The following ZNF268 variants were observed in gnomAD, a reference collection of about 807,000 sequenced individuals.
ZNF268 encodes zinc finger protein 268.
In ZNF268, 20 loss-of-function variants were observed where a neutral mutation model predicts 29.3. The ratio of observed to expected loss-of-function variants is 0.68; its 90% CI spans 0.48 to 0.99. The LOEUF is 0.99. Ranked by LOEUF, ZNF268 falls within the 50% of genes least tolerant of loss-of-function variation. The pLI, the probability that ZNF268 is intolerant of heterozygous loss-of-function variation, is 0.00. For synonymous variants in ZNF268, 429 were observed against 376.9 expected (o/e 1.14, Z -1.60); for missense variants, 1,240 against 1,121.6 (o/e 1.11, Z -1.51).
In ZNF268 at chr12:133,182,035, GT is replaced by G; in HGVS notation, c.33+6del. 6.4e-7 allele frequency: 1 copy of G among 1,560,052 alleles called. No homozygotes were observed. The highest frequency in any genetic ancestry group is 8.7e-7 in the Non-Finnish European group (1 of 1,151,668). On this transcript the variant is annotated splice_donor_region_variant and intron_variant, in intron 2 of 5. Coordinates refer to ENST00000536435, the MANE Select transcript of ZNF268 (RefSeq NM_003415.3). ...GTCCGGACAGCTTCTATTTGGGTGAGTAGGGGTTTTCTTTCATTCTTGAAAA... is the reference window on the plus strand; with the variant it reads ...GTCCGGACAGCTTCTATTTGGGTGAGAGGGGTTTTCTTTCATTCTTGAAAA...
chr12:133,203,177 G>T lies in ZNF268; in HGVS notation c.1491G>T (p.Met497Ile), dbSNP rs536753332. Reference sequence around the variant, plus strand: ...TACATCAGAGAAGTCACACAGGAATGAAACCTTATGTATGCAATGAATGTG... The same window carrying T: ...TACATCAGAGAAGTCACACAGGAATTAAACCTTATGTATGCAATGAATGTG... ...LIVHQRSHTG[M>I]KPYVCNECGK... Residue 497 changes from methionine (M) to isoleucine (I), a missense_variant, in exon 6 of 6, where the codon ATG becomes ATT. Met to Ile is a conservative substitution (Grantham distance 10). Around this residue, in one of 3 missense-constraint regions of ZNF268, gnomAD observed 1,177 missense variants for 1,039.6 expected, o/e 1.13. Coordinates refer to ENST00000536435, the MANE Select transcript of ZNF268 (RefSeq NM_003415.3). 40 of 1,537,574 alleles carry T rather than the reference G, an allele frequency of 2.6e-5. 2 individuals are homozygous for T. The South Asian group carries it at 4.5e-4, about 17-fold the overall frequency.
At chr12:133,181,863 G>T in intron 1 of ZNF268, 83 bp from the exon 2 acceptor site, 1 of 854,088 alleles carries the variant, frequency 1.2e-6, no homozygotes. Context: ...AGAATGGCAG[G>T]CAGCCCTGGT....
rs762568732 is a variant in ZNF268, at chr12:133,204,224, T to C, written c.2538T>C (p.Ser846=). The change falls in exon 6 of 6, where the codon AGT becomes AGC. Residue 846 remains serine, a synonymous_variant. Transcript: ENST00000536435. ...GCAGTCAATGTGAGAAATCCTTCAG[T>C]GGGAAATTACGCCTTCTTGTACACC... The part of the protein sequence containing the change: ...YKCSQCEKSF[S]GKLRLLVHQR... 2.6e-6 allele frequency: 4 copies of C among 1,541,552 alleles called. No homozygotes were observed. In the Admixed American group the frequency reaches 5.9e-5, roughly 23 times the overall value.
At chr12:133,192,676 AT>A (rs1365998815) in intron 5 of ZNF268, among the ~76,000 whole-genome samples, 20 of 147,330 alleles carry the variant, frequency 1.4e-4, no homozygotes, top group East Asian at 1.0e-3. Flanking sequence ...ATGCTAATGG[AT>A]TTTTTTTTTT....
chr12:133,202,091 G>A (rs1956763695), intron 5 of ZNF268, 53 bp from the exon 6 acceptor site: 5 of 1,422,902 alleles, frequency 3.5e-6, no homozygotes, highest in Middle Eastern at 1.9e-4. Flanking sequence ...CAACTTTCTA[G>A]TATACCGCAA....
intron 5 of ZNF268, among the ~76,000 whole-genome samples, chr12:133,197,338 T>A (rs1335007734): frequency 6.6e-6 from 1 of 151,014 alleles, no homozygotes; most frequent in Non-Finnish European, 1.5e-5. Flanking sequence ...ATTTCCAATT[T>A]CATCCATGTC....
At chr12:133,197,151 A>G (rs548566537) in intron 5 of ZNF268, among the ~76,000 whole-genome samples, 60 of 149,798 alleles carry the variant, frequency 4.0e-4, no homozygotes, top group Admixed American at 1.0e-3. Flanking sequence ...TTCGTCATCT[A>G]GCATTAGGTA....
intron 5 of ZNF268, 25 bp from the exon 6 acceptor site, chr12:133,202,119 T>C (rs762343549): frequency 6.6e-7 from 1 of 1,517,846 alleles, no homozygotes; most frequent in East Asian, 2.3e-5. Context: ...ATTTATAACA[T>C]GTGACCAATT....
At position 133,213,058 on chromosome 12, in the gene ZNF268, C is replaced by T. The variant is rs578235454; in HGVS notation, c.*8528C>T. ...AGAGACAGGGTTTCACCATGTTGGC[C>T]AGGCCAGGCTAGTCTCAAACTCCTG... On this transcript the variant is annotated 3_prime_UTR_variant, in exon 6 of 6. Coordinates refer to ENST00000536435, the MANE Select transcript of ZNF268 (RefSeq NM_003415.3). 1 of 152,244 alleles carries T rather than the reference C, an allele frequency of 6.6e-6. No individual in the cohort carries two copies. Among genetic ancestry groups the T allele is most frequent in the Non-Finnish European group, 1.5e-5 (1 of 68,034 alleles). The allele number at this position is 152,244 out of a possible 1,614,324, so 9.4% of individuals were successfully genotyped here. A position where few individuals can be genotyped will look rare whatever the true frequency, so the allele number is the denominator to read the frequency against.
chr12:133,199,299 G>A (rs1397021294), intron 5 of ZNF268, among the ~76,000 whole-genome samples: 1 of 152,004 alleles, frequency 6.6e-6, no homozygotes, highest in Non-Finnish European at 1.5e-5. Flanking sequence ...ATAATCATGT[G>A]GTTTTTGTCT....
Position 133,204,624 on chromosome 12 carries a change from C to T in ZNF268, c.*94C>T, listed in dbSNP as rs190033401. 5 of 965,026 alleles carry T rather than the reference C, an allele frequency of 5.2e-6. No homozygotes were observed. Among genetic ancestry groups the T allele is most frequent in the East Asian group, 2.8e-5 (1 of 36,132 alleles). The allele number at this position is 965,026 out of a possible 1,614,324, so 59.8% of individuals were successfully genotyped here. ...GTAAGTGGAATCATCTTGTCATCTTCCAGAAAACTCATACTGAATAGAAAC... is the reference window on the plus strand; with the variant it reads ...GTAAGTGGAATCATCTTGTCATCTTTCAGAAAACTCATACTGAATAGAAAC... On this transcript the variant is annotated 3_prime_UTR_variant, in exon 6 of 6. Transcript: ENST00000536435.
chr12:133,183,226 TAGGGGAAGGA>T, intron 2 of ZNF268, among the ~76,000 whole-genome samples: 1 of 152,088 alleles, frequency 6.6e-6, no homozygotes, highest in African/African-American at 2.4e-5. Flanking sequence ...ACTGTTGGTA[TAGGGGAAGGA>T]GTTTACTTAT....
rs1389150052 is a variant in ZNF268 at position 133,204,391 on chromosome 12, C to A, written c.2705C>A (p.Ser902Tyr). The A allele has an allele frequency of 1.9e-6, 3 of 1,571,464 alleles. No homozygotes were observed. Among genetic ancestry groups the A allele is most frequent in the Non-Finnish European group, 1.7e-6 (2 of 1,163,152 alleles). The change falls in exon 6 of 6, where the codon TCT becomes TAT. Residue 902 changes from serine to tyrosine, a missense_variant. By Grantham distance (144) the Ser-to-Tyr change is moderately radical. Coordinates refer to ENST00000536435, the MANE Select transcript of ZNF268 (RefSeq NM_003415.3). Reference sequence around the variant, plus strand: ...TGCAATGAATGTGGGAAAACCTTCTCTCAAAAATCAATTCTCAGTGCACAT... The same window carrying A: ...TGCAATGAATGTGGGAAAACCTTCTATCAAAAATCAATTCTCAGTGCACAT... ...YGCNECGKTF[S>Y]QKSILSAHQR... is the part of the protein sequence containing the mutation.
intron 2 of ZNF268, among the ~76,000 whole-genome samples, chr12:133,187,260 TC>T (rs1956346746): frequency 1.5e-5 from 1 of 66,102 alleles, no homozygotes. Flanking sequence ...AATTTAATCT[TC>T]ATTTCTGAAT....
chr12:133,211,408 C>T lies in ZNF268; in HGVS notation c.*6878C>T, dbSNP rs935358175. Reference sequence around the variant, plus strand: ...ACCAGCCTGACCAACATGGAGAAACCCTGTCTCTACTAAAAATACAAAATT... The same window carrying T: ...ACCAGCCTGACCAACATGGAGAAACTCTGTCTCTACTAAAAATACAAAATT... On this transcript the variant is annotated 3_prime_UTR_variant, in exon 6 of 6. Transcript: ENST00000536435. The T allele has an allele frequency of 4.5e-6, 1 of 223,182 alleles. No homozygotes were observed. The highest frequency in any genetic ancestry group is 9.1e-6 in the Non-Finnish European group (1 of 109,344). 13.8% of individuals were successfully genotyped at this position (223,182 alleles called of 1,614,324 possible).
At position 133,212,477 on chromosome 12, in the gene ZNF268, A is replaced by G. The variant is rs1348080733; in HGVS notation, c.*7947A>G. ...TATATATATATATATATATATATATATATATATATATATATATATATGTAT... is the reference window on the plus strand; with the variant it reads ...TATATATATATATATATATATATATGTATATATATATATATATATATGTAT... On this transcript the variant is annotated 3_prime_UTR_variant, in exon 6 of 6. Coordinates refer to ENST00000536435, the MANE Select transcript of ZNF268 (RefSeq NM_003415.3). The G allele has an allele frequency of 0.02, 307 of 15,568 alleles. 7 individuals are homozygous for G. The highest frequency in any genetic ancestry group is 0.055 in the African/African-American group (293 of 5,346). The allele number at this position is 15,568 out of a possible 1,614,324, so 1.0% of individuals were successfully genotyped here. A position where few individuals can be genotyped will look rare whatever the true frequency, so the allele number is the denominator to read the frequency against.
rs1432912125 is a variant in ZNF268 at position 133,204,205 on chromosome 12, A to G, written c.2519A>G (p.Gln840Arg). The G allele has an allele frequency of 1.9e-6, 3 of 1,540,584 alleles. No homozygotes were observed. Among genetic ancestry groups the G allele is most frequent in the South Asian group, 1.2e-5 (1 of 84,150 alleles). The change falls in exon 6 of 6, where the codon CAA becomes CGA. Residue 840 changes from glutamine to arginine, a missense_variant. By Grantham distance (43) the Gln-to-Arg change is conservative. Coordinates refer to ENST00000536435, the MANE Select transcript of ZNF268 (RefSeq NM_003415.3). ...GGGGTCAACCCTTATAAATGCAGTC[A>G]ATGTGAGAAATCCTTCAGTGGGAAA... ...HAGVNPYKCS[Q>R]CEKSFSGKLR...
Position 133,202,908 on chromosome 12 carries a change from A to G in ZNF268, c.1222A>G (p.Arg408Gly), listed in dbSNP as rs867499424. Residue 408 changes from arginine to glycine, a missense_variant, in exon 6 of 6, where the codon AGA becomes GGA. Coordinates refer to ENST00000536435, the MANE Select transcript of ZNF268 (RefSeq NM_003415.3). The part of the protein sequence containing the change: ...GLKSQLIIHE[R>G]IHTGEKPYEC... ...AAAATCACAGCTCATTATACATGAA[A>G]GAATTCATACAGGAGAGAAACCATA... is the stretch of plus-strand genomic sequence containing the variant. The G allele has an allele frequency of 3.2e-6, 5 of 1,548,426 alleles. No individual in the cohort carries two copies. Among genetic ancestry groups the G allele is most frequent in the East Asian group, 4.8e-5 (2 of 41,664 alleles).
intron 5 of ZNF268, among the ~76,000 whole-genome samples, chr12:133,195,522 TAGTG>T (rs954842458): frequency 1.4e-4 from 22 of 152,104 alleles, no homozygotes; most frequent in African/African-American, 5.3e-4. Context: ...TTGGGCAACA[TAGTG>T]AGACCCCAGC....
Sources: gnomAD v4.1 joint callset for allele counts (sites outside exome capture counted in the v4.1 genomes callset) on GRCh38, gnomAD v4.1.1 for gene constraint, gnomAD v4.1.1 regional missense constraint, MANE v1.5 for transcripts, NCBI Gene and HGNC (gene_info 2026-07-23, HGNC 2026-07-21) for gene names.